TLK1: variants seen among roughly 807,000 people sequenced by gnomAD.
TLK1 encodes tousled like kinase 1, also known as serine/threonine-protein kinase tousled-like 1.
A neutral mutation model predicts 105.3 loss-of-function variants in TLK1; 24 were observed. That is an observed-to-expected ratio of 0.23 (90% confidence interval 0.17 to 0.32). The LOEUF (loss-of-function observed/expected upper bound fraction) is 0.32, where lower values mean the gene tolerates loss of function less well. Ranked by LOEUF, TLK1 falls within the 10% of genes least tolerant of loss-of-function variation. The probability of loss-of-function intolerance (pLI) is 1.00; values close to 1 mark genes in which losing one functional copy is unlikely to be tolerated. For missense variants in TLK1, 558 were observed against 910.5 expected, an observed-to-expected ratio of 0.61 and a Z score of 4.98; for synonymous variants, 321 against 310.4, an observed-to-expected ratio of 1.03 and a Z score of -0.36.
At chr2:171,196,122 G>GTT (rs570467416) in intron 1 of TLK1, among the ~76,000 whole-genome samples, 43 of 141,184 alleles carry the variant, frequency 3.0e-4, no homozygotes, top group South Asian at 4.4e-4. Context: ...ATTGTAGCTG[G>GTT]TTTTTTTTTT....
chr2:171,139,978 G>A (rs1481726216), intron 1 of TLK1, among the ~76,000 whole-genome samples: 2 of 152,194 alleles, frequency 1.3e-5, no homozygotes, highest in African/African-American at 2.4e-5. Context: ...TAATGCCACG[G>A]ATGATCTCAC....
intron 1 of TLK1, among the ~76,000 whole-genome samples, chr2:171,182,935 A>AAGAAAGAAAGAAAG (rs1553487149): frequency 1.6e-5 from 2 of 128,780 alleles, no homozygotes; most frequent in Admixed American, 7.8e-5. Context: ...AAAAAAAAAA[A>AAGAAAGAAAGAAAG]AAAGAAAGAA....
chr2:171,143,423 T>C (rs1472220805), intron 1 of TLK1, among the ~76,000 whole-genome samples: 1 of 147,160 alleles, frequency 6.8e-6, no homozygotes, highest in Non-Finnish European at 1.5e-5. Context: ...TGAGAATTGT[T>C]TGAACCCAGG....
intron 3 of TLK1, among the ~76,000 whole-genome samples, chr2:171,069,431 G>C (rs1688151310): frequency 6.6e-6 from 1 of 152,152 alleles, no homozygotes; most frequent in South Asian, 2.1e-4. Flanking sequence ...GTAATGAGTT[G>C]GTTCTCAACC....
Position 171,195,277 on chromosome 2 carries a change from G to A in TLK1, c.-6+35868C>T, listed in dbSNP as rs1260825536. On this transcript the variant is annotated intron_variant, in intron 1 of 20. Transcript: ENST00000521943. ...CCAGCACTTTGGAAGGCGGAGGCGG[G>A]CGGATCACGAGGTCAGGAGATTGAG... Among the ~76,000 whole-genome samples, 3 of 152,064 alleles carry A rather than the reference G, an allele frequency of 2.0e-5. 1 individual carries two copies. The highest frequency in any genetic ancestry group is 4.1e-4 in the South Asian group (2 of 4,828).
chr2:171,123,626 AG>A (rs1690748792), intron 1 of TLK1, among the ~76,000 whole-genome samples: 1 of 152,188 alleles, frequency 6.6e-6, no homozygotes, highest in Non-Finnish European at 1.5e-5. Flanking sequence ...TGGGCAACAT[AG>A]GGAGACCCTG....
intron 19 of TLK1, 88 bp from the exon 20 acceptor site, chr2:170,996,848 C>T (rs996259419): frequency 1.1e-5 from 12 of 1,120,012 alleles, no homozygotes; most frequent in South Asian, 3.2e-5. Flanking sequence ...TTCCCAAAAC[C>T]GAAAATCCAA....
At chr2:171,123,660 A>G (rs1690750350) in intron 1 of TLK1, among the ~76,000 whole-genome samples, 1 of 152,210 alleles carries the variant, frequency 6.6e-6, no homozygotes, top group African/African-American at 2.4e-5. Flanking sequence ...TTAAAAAAAT[A>G]AAACCTAAGG....
chr2:171,120,980 T>C (rs1456288532), intron 1 of TLK1, among the ~76,000 whole-genome samples: 1 of 152,088 alleles, frequency 6.6e-6, no homozygotes, highest in Non-Finnish European at 1.5e-5. Flanking sequence ...GAAGAAAATA[T>C]GGGTGCATGC....
chr2:171,034,078 A>G (rs552879587), intron 11 of TLK1, among the ~76,000 whole-genome samples: 1 of 152,332 alleles, frequency 6.6e-6, no homozygotes, highest in South Asian at 2.1e-4. Flanking sequence ...ATATCACTTT[A>G]CACCCACTAG....
In TLK1 at chr2:171,160,306, G is replaced by A; in HGVS notation, c.123C>T (p.Ser41=). ...ARSLLNHTPP[S]GRPREGAMDE... ...GGTGCTTACCTTCCCTGGGCCTCCC[G>A]GATGGCGGCGTGTGATTCAGCAGGG... is the stretch of plus-strand genomic sequence containing the variant. Residue 41 remains serine, a synonymous_variant, in exon 1 of 21, where the codon TCC becomes TCT. Coordinates refer to ENST00000431350, the MANE Select transcript of TLK1 (RefSeq NM_012290.5). This position sits in a 1 kb window ranked among gnomAD's most constrained non-coding sequence, Gnocchi z 4.4. The A allele has an allele frequency of 1.9e-6, 3 of 1,587,188 alleles. No homozygotes were observed. Among genetic ancestry groups the A allele is most frequent in the Non-Finnish European group, 1.7e-6 (2 of 1,169,554 alleles).
At chr2:171,022,799 G>A (rs1333776950) in intron 12 of TLK1, 2 of 238,538 alleles carry the variant, frequency 8.4e-6, no homozygotes, top group Non-Finnish European at 1.7e-5. Context: ...TGATAAGTCA[G>A]ATGACAATGG....
At chr2:171,214,127 G>A (rs970615112) in intron 1 of TLK1, among the ~76,000 whole-genome samples, 2 of 151,810 alleles carry the variant, frequency 1.3e-5, no homozygotes, top group East Asian at 2.0e-4. Context: ...GATTGCTTGA[G>A]CCCAGGAGCT....
chr2:171,218,196 T>C (rs1236522813), intron 1 of TLK1, among the ~76,000 whole-genome samples: 3 of 152,122 alleles, frequency 2.0e-5, no homozygotes, highest in Non-Finnish European at 4.4e-5. Context: ...GAGGTTGCAG[T>C]GAGCTGAGAT....
chr2:171,093,459 A>C (rs560899786), intron 2 of TLK1, among the ~76,000 whole-genome samples: 1 of 152,214 alleles, frequency 6.6e-6, no homozygotes, highest in Non-Finnish European at 1.5e-5. Context: ...GCATATGGGC[A>C]TCTGAAACAA....
chr2:171,194,812 G>A (rs529651783), intron 1 of TLK1, among the ~76,000 whole-genome samples: 6 of 118,384 alleles, frequency 5.1e-5, no homozygotes, highest in Non-Finnish European at 9.9e-5. Flanking sequence ...GCGAGACTCC[G>A]TCTCAGGGAA....
At chr2:171,087,070 A>G (rs1427091650) in intron 2 of TLK1, among the ~76,000 whole-genome samples, 1 of 152,190 alleles carries the variant, frequency 6.6e-6, no homozygotes, top group Non-Finnish European at 1.5e-5. Flanking sequence ...AAAGAAAAAC[A>G]AACAAAAAAC....
chr2:171,182,029 T>A (rs1166563435), intron 1 of TLK1, among the ~76,000 whole-genome samples: 2 of 152,202 alleles, frequency 1.3e-5, no homozygotes, highest in African/African-American at 4.8e-5. Flanking sequence ...AACCAGTGGC[T>A]TTTCACTCCT....
chr2:171,174,300 T>C (rs1256376191), intron 1 of TLK1, among the ~76,000 whole-genome samples: 1 of 152,048 alleles, frequency 6.6e-6, no homozygotes, highest in South Asian at 2.1e-4. Context: ...CTCCTACCTA[T>C]TCTTTCCCCC....
Sources: allele counts gnomAD v4.1 joint callset (sites outside exome capture counted in the v4.1 genomes callset), GRCh38; gene constraint gnomAD v4.1.1; non-coding constraint Gnocchi (gnomAD v3.1); transcripts MANE v1.5; gene names NCBI Gene and HGNC (gene_info 2026-07-23, HGNC 2026-07-21).